Variants in PPIE observed in about 807,000 individuals in gnomAD.
PPIE encodes peptidyl-prolyl cis-trans isomerase E.
PPIE carries 20 observed loss-of-function variants against 38.4 expected under a neutral mutation model. The observed-to-expected ratio is 0.52, with a 90% CI of 0.37 to 0.76. PPIE has a LOEUF of 0.76. Ranked by LOEUF, PPIE falls within the 30% of genes least tolerant of loss-of-function variation. PPIE has a pLI of 0.00. For missense variants in PPIE, 322 were observed against 385.8 expected (o/e 0.83, Z 1.39); for synonymous variants, 142 against 135.7 (o/e 1.05, Z -0.32).
At chr1:39,738,969 C>A in intron 1 of PPIE, 38 bp downstream of exon 1, 1 of 1,428,670 alleles carries the variant, frequency 7.0e-7, no homozygotes, top group Non-Finnish European at 9.2e-7. Flanking sequence ...TCTGAGTGAA[C>A]GCGACCCCCA....
At chr1:39,760,574 C>T (rs1279806609), downstream of PPIE, 1 of 1,613,108 alleles carries the variant, frequency 6.2e-7, no homozygotes, top group East Asian at 2.2e-5. Context: ...TGCACCTGGC[C>T]AGGAAGAGGG....
At chr1:39,747,000 C>G (rs1647232653) in intron 7 of PPIE, 1 of 152,186 alleles carries the variant, frequency 6.6e-6, no homozygotes, top group South Asian at 2.1e-4. Context: ...AACCTCTAAT[C>G]TTTGTGTCTA....
chr1:39,739,122 A>C (rs112375191), intron 1 of PPIE, 191 bp downstream of exon 1: 40 of 517,500 alleles, frequency 7.7e-5, no homozygotes, highest in African/African-American at 3.0e-4. Flanking sequence ...CCTCAGGAAA[A>C]AGTGCAGACT....
At chr1:39,759,736 A>G (rs540074422), downstream of PPIE, 1 of 152,404 alleles carries the variant, frequency 6.6e-6, no homozygotes, top group Admixed American at 6.5e-5. Flanking sequence ...CCATGCTCTT[A>G]CATGTCTTTC....
In PPIE at chr1:39,745,261, A is replaced by T. The variant is rs745971960; in HGVS notation, c.385-114A>T. The stretch of plus-strand genomic sequence containing the variant: ...AGGGCCCAAGGCCTTCCCCGTCAGC[A>T]CTTGCTCCAGCCTACGCACTGGAGT... On this transcript the variant is annotated intron_variant, in intron 6 of 9. Transcript: ENST00000324379. 5.1e-5 allele frequency: 72 copies of T among 1,416,132 alleles called. No individual in the cohort carries two copies. The East Asian group carries it at 1.4e-3, about 28-fold the overall frequency. 87.7% of individuals were successfully genotyped at this position (1,416,132 alleles called of 1,614,324 possible). A position where few individuals can be genotyped will look rare whatever the true frequency, so the allele number is the denominator to read the frequency against.
chr1:39,741,332 A>G (rs1349413594), intron 2 of PPIE, 34 bp from the exon 3 acceptor site: 15 of 1,589,610 alleles, frequency 9.4e-6, no homozygotes, highest in Non-Finnish European at 1.3e-5. Flanking sequence ...TACCCCACAT[A>G]GTAATTACTT....
Position 39,741,206 on chromosome 1 carries a change from A to G in PPIE, c.131-160A>G, listed in dbSNP as rs186142552. Among the ~76,000 whole-genome samples the G allele has an allele frequency of 9.2e-5, 14 of 152,380 alleles. No homozygotes were observed. In the East Asian group the frequency reaches 2.3e-3, roughly 25 times the overall value. ...AGTTTATTATTGCTTAAAATATTGTATAAGAAGAATCAAGAATGAGATTCC... is the reference window on the plus strand; with the variant it reads ...AGTTTATTATTGCTTAAAATATTGTGTAAGAAGAATCAAGAATGAGATTCC... On this transcript the variant is annotated intron_variant, in intron 2 of 9. Coordinates refer to ENST00000324379, the MANE Select transcript of PPIE (RefSeq NM_006112.4).
intron 3 of PPIE, 94 bp from the exon 4 acceptor site, chr1:39,741,801 T>G: frequency 7.0e-7 from 1 of 1,420,778 alleles, no homozygotes; most frequent in South Asian, 1.2e-5. Context: ...AGAGGTGGCA[T>G]TTTTCTGGAT....
At chr1:39,740,608 G>C (rs1022094898) in intron 2 of PPIE, among the ~76,000 whole-genome samples, 1 of 152,194 alleles carries the variant, frequency 6.6e-6, no homozygotes, top group African/African-American at 2.4e-5. Flanking sequence ...TTGCAGCTGT[G>C]CTATTAAATG....
In PPIE at chr1:39,753,425, A is replaced by C. The variant is rs1647967646; in HGVS notation, c.*70A>C. ...TCCAGGAAGGAACTGCCAGCCTCAG[A>C]GGAGGCAGCACCGAGGGTGCCTGTT... On this transcript the variant is annotated 3_prime_UTR_variant, in exon 10 of 10. Transcript: ENST00000324379. 3 of 1,587,178 alleles carry C rather than the reference A, an allele frequency of 1.9e-6. No individual in the cohort carries two copies. In the South Asian group the frequency reaches 3.5e-5, roughly 18 times the overall value.
rs758344472 is a variant in PPIE at position 39,749,051 on chromosome 1, C to T, written c.657C>T (p.Phe219=). 5.0e-6 allele frequency: 8 copies of T among 1,609,106 alleles called. No individual in the cohort carries two copies. The highest frequency in any genetic ancestry group is 3.3e-5 in the South Asian group (3 of 90,146). ...TGGKSIYGKK[F]DDENFILKHT... is the part of the protein sequence containing the mutation. ...GCAAGTCCATCTATGGGAAGAAGTT[C>T]GATGATGAAAACTTTATCCTCAAGC... Residue 219 remains phenylalanine, a synonymous_variant, in exon 8 of 10, where the codon TTC becomes TTT. Coordinates refer to ENST00000324379, the MANE Select transcript of PPIE (RefSeq NM_006112.4).
intron 2 of PPIE, 98 bp downstream of exon 2, chr1:39,740,361 G>C (rs1279956791): frequency 3.2e-6 from 3 of 941,990 alleles, no homozygotes; most frequent in Non-Finnish European, 4.9e-6. Context: ...TCTAAATATG[G>C]TTAGTATACA....
intron 7 of PPIE, chr1:39,748,226 A>AT (rs1302014956): frequency 6.6e-6 from 1 of 152,224 alleles, no homozygotes; most frequent in Admixed American, 6.5e-5. Context: ...CACGTCTTAA[A>AT]TTTTGATAAA....
At chr1:39,750,120 C>T (rs1647562703) in intron 8 of PPIE, among the ~76,000 whole-genome samples, 1 of 151,628 alleles carries the variant, frequency 6.6e-6, no homozygotes, top group South Asian at 2.1e-4. Flanking sequence ...GCAACAAGAG[C>T]GAAACTCCGT....
intron 8 of PPIE, among the ~76,000 whole-genome samples, chr1:39,752,005 G>A (rs1288268022): frequency 1.3e-5 from 2 of 152,150 alleles, no homozygotes; most frequent in Non-Finnish European, 2.9e-5. Context: ...TGGGAGTTGA[G>A]GTGAGAGGAT....
At chr1:39,741,518 TC>T in intron 3 of PPIE, 109 bp downstream of exon 3, 1 of 1,119,270 alleles carries the variant, frequency 8.9e-7, no homozygotes, top group Non-Finnish European at 1.4e-6. Flanking sequence ...GGCTGATGCT[TC>T]CAGAGAGATC....
chr1:39,755,444 A>C lies in PPIE; in HGVS notation c.*2089A>C, dbSNP rs1569722919. 1.0e-6 allele frequency: 1 copy of C among 985,270 alleles called. No homozygotes were observed. Among genetic ancestry groups the C allele is most frequent in the African/African-American group, 1.7e-5 (1 of 57,232 alleles). The allele number at this position is 985,270 out of a possible 1,614,324, so 61.0% of individuals were successfully genotyped here. On this transcript the variant is annotated 3_prime_UTR_variant, in exon 10 of 10. Transcript: ENST00000324379. Reference sequence around the variant, plus strand: ...GCTCCATGTAGCTGGGATATACTACATGGTTACCCCTCACCCCTATGGAGC... The same window carrying C: ...GCTCCATGTAGCTGGGATATACTACCTGGTTACCCCTCACCCCTATGGAGC...
chr1:39,751,340 T>C (rs1022414090), intron 8 of PPIE, among the ~76,000 whole-genome samples: 10 of 151,960 alleles, frequency 6.6e-5, no homozygotes, highest in African/African-American at 2.4e-4. Flanking sequence ...TCTGGCAGGA[T>C]ATTTGTTGTT....
At chr1:39,745,081 G>A (rs1647159286) in intron 6 of PPIE, among the ~76,000 whole-genome samples, 1 of 152,212 alleles carries the variant, frequency 6.6e-6, no homozygotes, top group Non-Finnish European at 1.5e-5. Flanking sequence ...TTCTGTGACT[G>A]TGAAGCAAGA....
Sources: gnomAD v4.1 joint callset for allele counts (sites outside exome capture counted in the v4.1 genomes callset) on GRCh38, gnomAD v4.1.1 for gene constraint, MANE v1.5 for transcripts, NCBI Gene and HGNC (gene_info 2026-07-23, HGNC 2026-07-21) for gene names.